The following GABRA2 variants were observed in gnomAD, a reference collection of about 807,000 sequenced individuals.
GABRA2 encodes the protein gamma-aminobutyric acid type A receptor subunit alpha2.
GABRA2 carries 16 observed loss-of-function variants against 48.7 expected under a neutral mutation model. The ratio of observed to expected loss-of-function variants is 0.33; its 90% CI spans 0.22 to 0.50. The LOEUF (loss-of-function observed/expected upper bound fraction) is 0.50. Ranked by LOEUF, GABRA2 falls within the 20% of genes least tolerant of loss-of-function variation. The pLI, the probability that GABRA2 is intolerant of heterozygous loss-of-function variation, is 0.98. For synonymous variants in GABRA2, 185 were observed against 184.5 expected (o/e 1.00, Z -0.02); for missense variants, 275 against 535.6 (o/e 0.51, Z 4.80).
intron 8 of GABRA2, among the ~76,000 whole-genome samples, chr4:46,275,474 G>C (rs184951830): frequency 1.5e-4 from 23 of 152,128 alleles, no homozygotes; most frequent in Non-Finnish European, 2.6e-4. Context: ...GGCAGACCAG[G>C]GGTATCGCTC....
chr4:46,359,422 C>T (rs1407229036), intron 3 of GABRA2, among the ~76,000 whole-genome samples: 2 of 152,030 alleles, frequency 1.3e-5, no homozygotes, highest in Non-Finnish European at 2.9e-5. Context: ...AAGATACTAT[C>T]AGCCCCTTCT....
intron 8 of GABRA2, among the ~76,000 whole-genome samples, chr4:46,270,045 T>C (rs1241352767): frequency 6.6e-6 from 1 of 151,974 alleles, no homozygotes; most frequent in African/African-American, 2.4e-5. Context: ...GCCCAAATTA[T>C]GGCAAACCGT....
intron 3 of GABRA2, among the ~76,000 whole-genome samples, chr4:46,377,891 C>A (rs1218995977): frequency 6.9e-6 from 1 of 145,866 alleles, no homozygotes; most frequent in South Asian, 2.2e-4. Context: ...CTAGCCGCCC[C>A]GTCCAGGAGG....
chr4:46,288,957 C>T (rs552280738), intron 8 of GABRA2, among the ~76,000 whole-genome samples: 1 of 152,012 alleles, frequency 6.6e-6, no homozygotes, highest in East Asian at 1.9e-4. Flanking sequence ...ATGAAAAAAA[C>T]TTAACATCAT....
chr4:46,320,064 G>A (rs946087215), intron 4 of GABRA2, among the ~76,000 whole-genome samples: 6 of 151,622 alleles, frequency 4.0e-5, no homozygotes, highest in African/African-American at 1.5e-4. Context: ...AACCCTTGAA[G>A]GCAGAATATC....
chr4:46,352,195 T>C (rs766862770), intron 3 of GABRA2, among the ~76,000 whole-genome samples: 3 of 152,006 alleles, frequency 2.0e-5, no homozygotes, highest in Non-Finnish European at 2.9e-5. Context: ...GGCTTTGCAC[T>C]TCTTGTAATG....
intron 8 of GABRA2, among the ~76,000 whole-genome samples, chr4:46,285,151 G>A (rs764952801): frequency 2.0e-5 from 3 of 151,220 alleles, no homozygotes; most frequent in Admixed American, 1.3e-4. Flanking sequence ...ATATACACAT[G>A]CATACACATA....
At chr4:46,324,344 C>T (rs1406131212) in intron 4 of GABRA2, among the ~76,000 whole-genome samples, 1 of 151,868 alleles carries the variant, frequency 6.6e-6, no homozygotes, top group Non-Finnish European at 1.5e-5. Context: ...CTTTTGATGT[C>T]TGTCAACTAT....
At chr4:46,287,210 G>T (rs1722720204) in intron 8 of GABRA2, among the ~76,000 whole-genome samples, 1 of 152,130 alleles carries the variant, frequency 6.6e-6, no homozygotes, top group Admixed American at 6.6e-5. Context: ...TTGATAAAGA[G>T]ATTATTCTTT....
At chr4:46,365,508 T>A (rs1421580177) in intron 3 of GABRA2, 1 of 152,152 alleles carries the variant, frequency 6.6e-6, no homozygotes, top group African/African-American at 2.4e-5. Flanking sequence ...CTCCACATTA[T>A]GACATGTTCG....
At chr4:46,282,409 G>A (rs1289068535) in intron 8 of GABRA2, among the ~76,000 whole-genome samples, 1 of 152,150 alleles carries the variant, frequency 6.6e-6, no homozygotes, top group Non-Finnish European at 1.5e-5. Flanking sequence ...TGCATACTTA[G>A]ACAAACTTGT....
At chr4:46,258,705 G>C (rs1716348335) in intron 9 of GABRA2, among the ~76,000 whole-genome samples, 1 of 151,810 alleles carries the variant, frequency 6.6e-6, no homozygotes, top group Non-Finnish European at 1.5e-5. Flanking sequence ...TCTGAAGTTT[G>C]ATTTAAGAAA....
chr4:46,361,736 C>T (rs183182200), intron 3 of GABRA2, among the ~76,000 whole-genome samples: 10 of 152,338 alleles, frequency 6.6e-5, no homozygotes, highest in African/African-American at 2.4e-4. Flanking sequence ...TGAAAGCAGC[C>T]AGGAGGAGGG....
intron 3 of GABRA2, among the ~76,000 whole-genome samples, chr4:46,374,144 T>C (rs189099758): frequency 3.9e-5 from 6 of 152,284 alleles, no homozygotes; most frequent in East Asian, 1.9e-4. Flanking sequence ...TCTATTGTAA[T>C]GAACCTTAAA....
At chr4:46,362,424 A>G (rs1713356197) in intron 3 of GABRA2, among the ~76,000 whole-genome samples, 1 of 151,948 alleles carries the variant, frequency 6.6e-6, no homozygotes, top group South Asian at 2.1e-4. Context: ...AGTCCATTAA[A>G]CCTCTTTCTT....
chr4:46,262,948 AAGAAAGAAAGAGAG>A (rs1158438769), intron 8 of GABRA2, among the ~76,000 whole-genome samples: 15 of 94,770 alleles, frequency 1.6e-4, no homozygotes, highest in African/African-American at 8.4e-4. Flanking sequence ...GAAAGAAAGA[AAGAAAGAAAGAGAG>A]AGAGAGAGAG....
intron 8 of GABRA2, among the ~76,000 whole-genome samples, chr4:46,284,394 C>T (rs1384438351): frequency 6.6e-6 from 1 of 152,118 alleles, no homozygotes; most frequent in Non-Finnish European, 1.5e-5. Flanking sequence ...ATATTGTCAA[C>T]AGAGAGCAAA....
chr4:46,360,399 G>A (rs998743939), intron 3 of GABRA2, among the ~76,000 whole-genome samples: 1 of 152,162 alleles, frequency 6.6e-6, no homozygotes, highest in Non-Finnish European at 1.5e-5. Flanking sequence ...GAGATCTGAC[G>A]GTTTTAAAAA....
chr4:46,260,418 G>GT (rs1273798350), intron 9 of GABRA2, among the ~76,000 whole-genome samples: 2 of 151,802 alleles, frequency 1.3e-5, no homozygotes, highest in East Asian at 3.9e-4. Flanking sequence ...TCAATTATTT[G>GT]TTTTTCACAT....
Sources: gnomAD v4.1 joint callset for allele counts (sites outside exome capture counted in the v4.1 genomes callset) on GRCh38, gnomAD v4.1.1 for gene constraint, MANE v1.5 for transcripts, NCBI Gene and HGNC (gene_info 2026-07-23, HGNC 2026-07-21) for gene names.